CNOT2: variants seen among roughly 807,000 people sequenced by gnomAD.
CNOT2 encodes the protein CC chemokine receptor 4-negative regulator of transcription 2.
In CNOT2, 7 loss-of-function variants were observed where a neutral mutation model predicts 72.1. That is an observed-to-expected ratio of 0.10 (90% CI 0.06 to 0.18). The LOEUF is 0.18. CNOT2 is among the 10% of genes least tolerant of loss of function. The pLI, the probability that CNOT2 is intolerant of heterozygous loss-of-function variation, is 1.00. For synonymous variants in CNOT2, 196 were observed against 225.6 expected, an observed-to-expected ratio of 0.87 and a Z score of 1.17; for missense variants, 345 against 660.3, an observed-to-expected ratio of 0.52 and a Z score of 5.23.
At chr12:70,302,454 T>C (rs2135921273) in intron 2 of CNOT2, among the ~76,000 whole-genome samples, 1 of 152,054 alleles carries the variant, frequency 6.6e-6, no homozygotes, top group Non-Finnish European at 1.5e-5. Context: ...TCTTTATTTC[T>C]GCCTTCATTT....
chr12:70,328,561 G>T (rs771663043), intron 4 of CNOT2, among the ~76,000 whole-genome samples: 1 of 151,642 alleles, frequency 6.6e-6, no homozygotes, highest in Non-Finnish European at 1.5e-5. Context: ...AAAAATAAAC[G>T]TATGCTGTCT....
intron 7 of CNOT2, among the ~76,000 whole-genome samples, chr12:70,333,926 A>G (rs1880311662): frequency 1.3e-5 from 2 of 151,956 alleles, no homozygotes; most frequent in African/African-American, 4.8e-5. Context: ...ATGTAAATTA[A>G]CAGTAAAGAT....
At chr12:70,345,875 G>C (rs1410161859) in intron 14 of CNOT2, 4 of 209,966 alleles carry the variant, frequency 1.9e-5, no homozygotes, top group Admixed American at 1.2e-4. Context: ...TCTTTATTTG[G>C]TCTGCCTATG....
chr12:70,352,222 G>T (rs142657449), intron 15 of CNOT2, among the ~76,000 whole-genome samples: 128 of 143,204 alleles, frequency 8.9e-4, no homozygotes, highest in East Asian at 3.7e-3. Context: ...TGTCACATGG[G>T]TCTGGATCCT....
At position 70,335,288 on chromosome 12, in the gene CNOT2, A is replaced by G. The variant is rs1235708957; in HGVS notation, c.650-150A>G. 3.7e-5 allele frequency: 19 copies of G among 516,394 alleles called. No individual in the cohort carries two copies. The East Asian group carries it at 5.5e-4, about 15-fold the overall frequency. The allele number at this position is 516,394 out of a possible 1,614,324, so 32.0% of individuals were successfully genotyped here. A position where few individuals can be genotyped will look rare whatever the true frequency, so the allele number is the denominator to read the frequency against. On this transcript the variant is annotated intron_variant, in intron 7 of 15. Transcript: ENST00000229195. ...TTTGACATGAAATCAATCTGCAAGT[A>G]TCTTTTGAGCACCTACATACACCTA...
intron 1 of CNOT2, among the ~76,000 whole-genome samples, chr12:70,268,646 T>A (rs369766693): frequency 1.5e-3 from 231 of 151,718 alleles, no homozygotes; most frequent in African/African-American, 5.5e-3. Flanking sequence ...TTTTTGGTAG[T>A]GATGGGGTCT....
chr12:70,310,372 T>C (rs1403958122), intron 2 of CNOT2, among the ~76,000 whole-genome samples: 5 of 152,068 alleles, frequency 3.3e-5, no homozygotes, highest in African/African-American at 1.2e-4. Context: ...GTACTTCAGT[T>C]ACATGAGTGG....
intron 1 of CNOT2, among the ~76,000 whole-genome samples, chr12:70,265,676 G>A (rs1463253323): frequency 2.0e-5 from 3 of 151,090 alleles, no homozygotes; most frequent in African/African-American, 7.3e-5. Context: ...TTTACTTTTG[G>A]TTTATTTTGT....
At chr12:70,310,209 C>T (rs1473530333) in intron 2 of CNOT2, among the ~76,000 whole-genome samples, 1 of 151,986 alleles carries the variant, frequency 6.6e-6, no homozygotes, top group Non-Finnish European at 1.5e-5. Context: ...GGTCCTAGAA[C>T]CATTTCTTCA....
At chr12:70,256,703 A>G (rs1210640675) in intron 1 of CNOT2, among the ~76,000 whole-genome samples, 1 of 152,122 alleles carries the variant, frequency 6.6e-6, no homozygotes, top group Admixed American at 6.5e-5. Flanking sequence ...ACCGTTGTTA[A>G]CTGAGGCAAA....
At chr12:70,260,338 T>C (rs1195566388) in intron 1 of CNOT2, among the ~76,000 whole-genome samples, 2 of 152,164 alleles carry the variant, frequency 1.3e-5, no homozygotes, top group Non-Finnish European at 2.9e-5. Flanking sequence ...TTTTATGGTA[T>C]GTTTTGTATT....
At chr12:70,279,065 T>C (rs894462318) in intron 2 of CNOT2, among the ~76,000 whole-genome samples, 3 of 152,190 alleles carry the variant, frequency 2.0e-5, no homozygotes, top group African/African-American at 7.2e-5. Flanking sequence ...ACAAATAAAC[T>C]TTTAGGCTTC....
intron 15 of CNOT2, among the ~76,000 whole-genome samples, chr12:70,348,366 G>T (rs1230957253): frequency 6.6e-6 from 1 of 152,102 alleles, no homozygotes; most frequent in Non-Finnish European, 1.5e-5. Flanking sequence ...TGAGTCTGTG[G>T]GTGGGGCCTG....
chr12:70,299,380 CA>C (rs1565783681), intron 2 of CNOT2, among the ~76,000 whole-genome samples: 6 of 118,444 alleles, frequency 5.1e-5, no homozygotes, highest in Non-Finnish European at 9.4e-5. Flanking sequence ...CCCCTCCCCC[CA>C]CCCCCCAACA....
chr12:70,290,698 AT>A (rs1871737893), intron 2 of CNOT2: 3 of 151,882 alleles, frequency 2.0e-5, no homozygotes, highest in Non-Finnish European at 4.4e-5. Flanking sequence ...TTTTAAAATT[AT>A]TTTTTCTTAT....
intron 1 of CNOT2, among the ~76,000 whole-genome samples, chr12:70,262,105 T>A (rs1399872441): frequency 1.3e-5 from 2 of 152,096 alleles, no homozygotes; most frequent in Non-Finnish European, 2.9e-5. Context: ...TTTTTTCTTT[T>A]CTTGGTCAGT....
intron 4 of CNOT2, among the ~76,000 whole-genome samples, chr12:70,319,720 C>CTGTGTG (rs35176886): frequency 2.1e-4 from 32 of 149,664 alleles, no homozygotes; most frequent in African/African-American, 7.5e-4. Context: ...ACTGGCTACT[C>CTGTGTG]TGTGTGTGTG....
At chr12:70,349,774 A>T (rs921363492) in intron 15 of CNOT2, among the ~76,000 whole-genome samples, 2 of 152,128 alleles carry the variant, frequency 1.3e-5, no homozygotes, top group African/African-American at 2.4e-5. Flanking sequence ...ATGAGGCAAG[A>T]CGATCACTTG....
At chr12:70,331,250 A>G (rs1372489635) in intron 6 of CNOT2, 1 of 151,894 alleles carries the variant, frequency 6.6e-6, no homozygotes, top group Admixed American at 6.6e-5. Context: ...GTCTAGTAAA[A>G]TCTGAATTAA....
Sources: allele counts gnomAD v4.1 joint callset (sites outside exome capture counted in the v4.1 genomes callset), GRCh38; gene constraint gnomAD v4.1.1; transcripts MANE v1.5; gene names NCBI Gene and HGNC (gene_info 2026-07-23, HGNC 2026-07-21).